The following RABGEF1 variants were observed in gnomAD, a reference collection of about 807,000 sequenced individuals.
The protein encoded by RABGEF1 is RAB guanine nucleotide exchange factor 1.
In RABGEF1, 26 loss-of-function variants were observed where a neutral mutation model predicts 57.3. The ratio of observed to expected loss-of-function variants is 0.45; its 90% confidence interval spans 0.33 to 0.63. RABGEF1 has a LOEUF of 0.63. RABGEF1 is among the 20% of genes least tolerant of loss of function. The probability of loss-of-function intolerance (pLI) is 0.02; values close to 1 mark genes in which losing one functional copy is unlikely to be tolerated. For synonymous variants in RABGEF1, 185 were observed against 210.7 expected, an observed-to-expected ratio of 0.88 and a Z score of 1.06; for missense variants, 464 against 607.6, an observed-to-expected ratio of 0.76 and a Z score of 2.48.
At chr7:66,683,845 A>G (rs1469100300) in intron 1 of RABGEF1, among the ~76,000 whole-genome samples, 1 of 152,018 alleles carries the variant, frequency 6.6e-6, no homozygotes, top group African/African-American at 2.4e-5. Flanking sequence ...GGCTCAAGTG[A>G]ACCTCCCACC....
upstream of RABGEF1, among the ~76,000 whole-genome samples, chr7:66,679,335 G>T (rs958236873): frequency 2.0e-5 from 3 of 152,222 alleles, no homozygotes; most frequent in African/African-American, 7.2e-5. Context: ...TTGAGACAGG[G>T]TCTTGCTCTG....
rs570761539 is a variant in RABGEF1 at position 66,708,352 on chromosome 7, A to C, written c.-872-3815A>C. 2.5e-3 allele frequency among the ~76,000 whole-genome samples: 375 copies of C among 151,920 alleles called. 6 individuals carry two copies. Among genetic ancestry groups the C allele is most frequent in the African/African-American group, 7.9e-3 (326 of 41,436 alleles). The stretch of plus-strand genomic sequence containing the variant: ...GCCCAAGCTGGAGTGCAGTGGCGCA[A>C]TCTTGGCTCACTGCAACCTTCGCTT... On this transcript the variant is annotated intron_variant and NMD_transcript_variant, in intron 1 of 9. Transcript: ENST00000607882.
rs1485669561 is a variant in RABGEF1 at position 66,686,888 on chromosome 7, C to T, written c.-873+4630C>T. Among the ~76,000 whole-genome samples, 8 of 151,164 alleles carry T rather than the reference C, an allele frequency of 5.3e-5. No homozygotes were observed. The South Asian group carries it at 1.7e-3, about 32-fold the overall frequency. On this transcript the variant is annotated intron_variant and NMD_transcript_variant, in intron 1 of 9. Coordinates refer to the RABGEF1 transcript ENST00000607882. ...CCAGGCTATAGTGCAGTGGCGCGAT[C>T]TCGGCTCACTGCAAGCTCCGCCTCC...
At chr7:66,704,739 AG>A (rs929455769) in intron 1 of RABGEF1, among the ~76,000 whole-genome samples, 4 of 151,536 alleles carry the variant, frequency 2.6e-5, no homozygotes, top group African/African-American at 9.7e-5. Context: ...TGAACCCAGG[AG>A]GCGGAGTTTG....
rs1173491751 is a variant in RABGEF1 at position 66,802,012 on chromosome 7, C to A, written c.820+2598C>A. Among the ~76,000 whole-genome samples, 5 of 152,270 alleles carry A rather than the reference C, an allele frequency of 3.3e-5. No homozygotes were observed. The East Asian group carries it at 9.6e-4, about 29-fold the overall frequency. On this transcript the variant is annotated intron_variant, in intron 7 of 8. Coordinates refer to ENST00000284957, the MANE Select transcript of RABGEF1 (RefSeq NM_014504.3). ...GCAGCCTTGACCTCACAGGCTCAAG[C>A]GATCCGTCCGCCTCAGCCTCCTGAG... is the stretch of plus-strand genomic sequence containing the variant.
intron 8 of RABGEF1, among the ~76,000 whole-genome samples, chr7:66,806,574 T>C (rs893780742): frequency 1.3e-5 from 2 of 151,942 alleles, no homozygotes; most frequent in East Asian, 3.9e-4. Context: ...CATGGTGGTT[T>C]AATCTGTAGT....
chr7:66,789,093 G>A (rs932093658), intron 4 of RABGEF1, among the ~76,000 whole-genome samples: 3 of 152,146 alleles, frequency 2.0e-5, no homozygotes, highest in African/African-American at 4.8e-5. Context: ...CCCAGAACAA[G>A]TAGAAAGATA....
intron 1 of RABGEF1, among the ~76,000 whole-genome samples, chr7:66,744,764 C>T (rs969020335): frequency 7.9e-5 from 12 of 151,648 alleles, no homozygotes; most frequent in Admixed American, 2.0e-4. Context: ...AATTTGTAAA[C>T]AGGAATTCTG....
chr7:66,754,105 C>T (rs1015379275), intron 1 of RABGEF1, among the ~76,000 whole-genome samples: 13 of 149,198 alleles, frequency 8.7e-5, no homozygotes, highest in Non-Finnish European at 1.6e-4. Context: ...TGGGTTCAAG[C>T]GATTCTCCTG....
In RABGEF1 at chr7:66,762,622, T is replaced by C. The variant is rs1583851428; in HGVS notation, c.-17-9261T>C. On this transcript the variant is annotated intron_variant, in intron 1 of 8. Transcript: ENST00000284957. ...AAAAGAAAAAAAGAAAAAAAAGAAA[T>C]AGGACATGAAGGCTGGGCATGGTGG... 2.6e-5 allele frequency among the ~76,000 whole-genome samples: 4 copies of C among 151,640 alleles called. No individual in the cohort carries two copies. In the South Asian group the frequency reaches 8.3e-4, roughly 32 times the overall value.
intron 1 of RABGEF1, among the ~76,000 whole-genome samples, chr7:66,691,983 G>A (rs1791581629): frequency 6.6e-6 from 1 of 152,184 alleles, no homozygotes; most frequent in Admixed American, 6.5e-5. Context: ...CTTGAGGCCA[G>A]GAGGTTGAGA....
chr7:66,802,852 T>C (rs1051889063), intron 7 of RABGEF1, among the ~76,000 whole-genome samples: 1 of 152,098 alleles, frequency 6.6e-6, no homozygotes. Flanking sequence ...CACTTTTTAC[T>C]CGCTTTCAAA....
intron 4 of RABGEF1, among the ~76,000 whole-genome samples, chr7:66,790,673 T>C (rs775920025): frequency 1.3e-5 from 2 of 152,236 alleles, no homozygotes; most frequent in Non-Finnish European, 2.9e-5. Flanking sequence ...TTTTTTCATC[T>C]AAATACTTTT....
At chr7:66,699,689 CT>C (rs1454722026) in intron 1 of RABGEF1, among the ~76,000 whole-genome samples, 7 of 112,756 alleles carry the variant, frequency 6.2e-5, no homozygotes, top group Non-Finnish European at 1.2e-4. Flanking sequence ...AAAATTCCAT[CT>C]CAAAAAAAAA....
chr7:66,804,069 C>T lies in RABGEF1; in HGVS notation c.821-1071C>T, dbSNP rs369520412. ...TTGGCCACTGTTGAACTAAGTGTGT[C>T]GGATTCCAGTAGCTGGATTTTTTTT... On this transcript the variant is annotated intron_variant, in intron 7 of 8. Coordinates refer to ENST00000284957, the MANE Select transcript of RABGEF1 (RefSeq NM_014504.3). 1.4e-4 allele frequency among the ~76,000 whole-genome samples: 21 copies of T among 150,892 alleles called. No homozygotes were observed. The East Asian group carries it at 1.8e-3, about 13-fold the overall frequency.
chr7:66,682,567 T>C (rs1174801971), intron 1 of RABGEF1, among the ~76,000 whole-genome samples: 2 of 152,030 alleles, frequency 1.3e-5, no homozygotes, highest in African/African-American at 4.8e-5. Flanking sequence ...GTCCGGCGGC[T>C]CCCCTCGGTC....
intron 6 of RABGEF1, 37 bp from the exon 7 acceptor site, chr7:66,799,286 T>C: frequency 1.3e-6 from 2 of 1,523,240 alleles, no homozygotes; most frequent in Non-Finnish European, 1.8e-6. Flanking sequence ...CCACAGTTTA[T>C]CCTTGGAGCT....
chr7:66,755,023 G>A (rs1216989198), intron 1 of RABGEF1, among the ~76,000 whole-genome samples: 6 of 152,120 alleles, frequency 3.9e-5, no homozygotes, highest in East Asian at 1.9e-4. Flanking sequence ...GGCCAGGCAC[G>A]GTGGCTCACA....
intron 1 of RABGEF1, among the ~76,000 whole-genome samples, chr7:66,710,783 G>T (rs1794670224): frequency 6.6e-6 from 1 of 152,090 alleles, no homozygotes; most frequent in Non-Finnish European, 1.5e-5. Context: ...CAAGTCTTTT[G>T]TTGGGTATAT....
Sources: gnomAD v4.1 joint callset for allele counts (sites outside exome capture counted in the v4.1 genomes callset) on GRCh38, gnomAD v4.1.1 for gene constraint, MANE v1.5 for transcripts, NCBI Gene and HGNC (gene_info 2026-07-23, HGNC 2026-07-21) for gene names.